The following AFF2 variants were observed in gnomAD, a reference collection of about 807,000 sequenced individuals.
AFF2 encodes the protein ALF transcription elongation factor 2, also known as AF4/FMR2 family member 2.
In AFF2, 14 loss-of-function variants were observed where a neutral mutation model predicts 76.9. That is an observed-to-expected ratio of 0.18 (90% CI 0.12 to 0.28). The LOEUF is 0.28. Among genes scored for constraint, AFF2 ranks in the 10% least tolerant of loss-of-function variants. The pLI is 1.00. For synonymous variants in AFF2, 398 were observed against 366.7 expected, an observed-to-expected ratio of 1.09 and a Z score of -0.98; for missense variants, 868 against 1,001.1, an observed-to-expected ratio of 0.87 and a Z score of 1.79.
At chrX:148,680,259 T>C (rs781858913) in intron 3 of AFF2, among the ~76,000 whole-genome samples, 1 of 112,418 alleles carries the variant, frequency 8.9e-6, no homozygotes, top group Non-Finnish European at 1.9e-5. Flanking sequence ...AAATACATGC[T>C]GAATAAGTGA....
intron 7 of AFF2, among the ~76,000 whole-genome samples, chrX:148,846,559 T>A (rs782308924): frequency 1.1e-4 from 12 of 111,803 alleles, no homozygotes; most frequent in African/African-American, 3.9e-4. Context: ...TTAACTTTAA[T>A]CATTAATACT....
At chrX:148,730,206 A>G (rs1557264565) in intron 3 of AFF2, among the ~76,000 whole-genome samples, 1 of 111,986 alleles carries the variant, frequency 8.9e-6, no homozygotes, top group Non-Finnish European at 1.9e-5. Context: ...TTATTTTATA[A>G]CATAAATGTA....
chrX:148,675,294 A>T (rs1381560999), intron 3 of AFF2, among the ~76,000 whole-genome samples: 1 of 111,060 alleles, frequency 9.0e-6, no homozygotes, highest in East Asian at 2.8e-4. Flanking sequence ...AAAAAAAAAA[A>T]GGAGGCTGTA....
At chrX:148,875,695 A>T (rs1342665717) in intron 7 of AFF2, among the ~76,000 whole-genome samples, 2 of 111,821 alleles carry the variant, frequency 1.8e-5, no homozygotes, top group Non-Finnish European at 3.8e-5. Flanking sequence ...AAAAGGGAGT[A>T]TCCTTCTCTA....
chrX:148,593,759 A>G (rs1434777106), intron 1 of AFF2, among the ~76,000 whole-genome samples: 2 of 112,165 alleles, frequency 1.8e-5, no homozygotes, highest in African/African-American at 6.5e-5. Context: ...CATTACATGC[A>G]TTCTTGTTTA....
intron 1 of AFF2, among the ~76,000 whole-genome samples, chrX:148,576,818 A>C (rs782372516): frequency 2.3e-5 from 2 of 88,489 alleles, no homozygotes; most frequent in East Asian, 7.9e-4. Context: ...TGTGTGTGTG[A>C]GACAGAGAAA....
chrX:148,743,104 T>C (rs782144119), intron 3 of AFF2, among the ~76,000 whole-genome samples: 6 of 112,174 alleles, frequency 5.3e-5, no homozygotes, highest in Non-Finnish European at 7.5e-5. Flanking sequence ...AAAACTGACT[T>C]TAAAACTAAT....
intron 1 of AFF2, among the ~76,000 whole-genome samples, chrX:148,563,587 A>G (rs1557241124): frequency 8.9e-6 from 1 of 111,918 alleles, no homozygotes; most frequent in African/African-American, 3.3e-5. Flanking sequence ...CCAAGAGGAT[A>G]GTGGTGCCAT....
intron 3 of AFF2, among the ~76,000 whole-genome samples, chrX:148,692,564 A>C (rs782623640): frequency 8.9e-6 from 1 of 112,182 alleles, no homozygotes; most frequent in Non-Finnish European, 1.9e-5. Context: ...GATTATTCTC[A>C]GTTTTGGTGA....
intron 7 of AFF2, among the ~76,000 whole-genome samples, chrX:148,845,793 C>T (rs1328889922): frequency 1.8e-5 from 2 of 111,115 alleles, no homozygotes; most frequent in African/African-American, 6.6e-5. Flanking sequence ...AGAAGCAGCC[C>T]GTAAGTCAGC....
At position 148,745,900 on chromosome X, in the gene AFF2, G is replaced by A. The variant is rs782632789; in HGVS notation, c.1042-63976G>A. Among the ~76,000 whole-genome samples the A allele has an allele frequency of 7.2e-5, 8 of 110,404 alleles. No individual in the cohort carries two copies. The South Asian group carries it at 2.3e-3, about 32-fold the overall frequency. On this transcript the variant is annotated intron_variant, in intron 3 of 20. Coordinates refer to ENST00000370460, the MANE Select transcript of AFF2 (RefSeq NM_002025.4). ...TGGGACTACAGGTGCCTGCCACCAC[G>A]CCCGGCTAATTTATGTATTTTTAGT... is the stretch of plus-strand genomic sequence containing the variant.
chrX:148,698,837 A>G (rs1178971420), intron 3 of AFF2, among the ~76,000 whole-genome samples: 2 of 92,169 alleles, frequency 2.2e-5, no homozygotes, highest in Non-Finnish European at 4.2e-5. Flanking sequence ...ATGTTAGCCT[A>G]GATTCTATAC....
intron 9 of AFF2, among the ~76,000 whole-genome samples, chrX:148,943,211 G>A (rs1447643908): frequency 1.8e-5 from 2 of 112,272 alleles, no homozygotes; most frequent in African/African-American, 3.2e-5. Context: ...TCTGATGATC[G>A]TGTTTACAAT....
chrX:148,707,497 T>A lies in AFF2; in HGVS notation c.1041+44729T>A, dbSNP rs186538090. Among the ~76,000 whole-genome samples, 498 of 109,833 alleles carry A rather than the reference T, an allele frequency of 4.5e-3. 1 individual carries two copies. The highest frequency in any genetic ancestry group is 0.012 in the African/African-American group (374 of 30,173). On this transcript the variant is annotated intron_variant, in intron 3 of 20. Coordinates refer to ENST00000370460, the MANE Select transcript of AFF2 (RefSeq NM_002025.4). ...ATAGAACTGAAAATAATATATATAT[T>A]TTTTTTCCTTTTTTTTTGTCATTTG...
chrX:148,825,649 A>G (rs150773116), intron 4 of AFF2, among the ~76,000 whole-genome samples: 1,878 of 105,181 alleles, frequency 0.018, 41 homozygotes, highest in African/African-American at 0.061. Context: ...AGCTTTTCAA[A>G]TTGTCAAATT....
chrX:148,992,309 G>GTATT lies in AFF2; in HGVS notation c.*979_*982dup, dbSNP rs2072542209. On this transcript the variant is annotated 3_prime_UTR_variant, in exon 21 of 21. Transcript: ENST00000370460. The stretch of plus-strand genomic sequence containing the variant: ...CCATAACTGGCAGGATTTTTAAATT[G>GTATT]TATTTTGCTCAAATCTATGGGAACA... 8.9e-6 allele frequency: 1 copy of GTATT among 112,075 alleles called. No homozygotes were observed. The highest frequency in any genetic ancestry group is 3.7e-4 in the South Asian group (1 of 2,691). 9.2% of individuals were successfully genotyped at this position (112,075 alleles called of 1,213,427 possible).
At chrX:148,669,159 C>T (rs1603272745) in intron 3 of AFF2, among the ~76,000 whole-genome samples, 1 of 111,808 alleles carries the variant, frequency 8.9e-6, no homozygotes, top group African/African-American at 3.3e-5. Flanking sequence ...CAGTCCCCAA[C>T]AAGTAACTCA....
At chrX:148,650,006 A>G (rs1367747817) in intron 1 of AFF2, among the ~76,000 whole-genome samples, 1 of 110,602 alleles carries the variant, frequency 9.0e-6, no homozygotes, top group African/African-American at 3.3e-5. Context: ...CTAATCTGCT[A>G]TGGAAAGCAA....
chrX:148,794,418 A>T (rs2069940882), intron 3 of AFF2, among the ~76,000 whole-genome samples: 1 of 111,828 alleles, frequency 8.9e-6, no homozygotes, highest in Non-Finnish European at 1.9e-5. Context: ...TGGGTGAAAA[A>T]TGATCAAGAA....
Sources: allele counts gnomAD v4.1 joint callset (sites outside exome capture counted in the v4.1 genomes callset), GRCh38; gene constraint gnomAD v4.1.1; transcripts MANE v1.5; gene names NCBI Gene and HGNC (gene_info 2026-07-23, HGNC 2026-07-21).